The following RB1 variants were observed in gnomAD, a reference collection of about 807,000 sequenced individuals.
The protein encoded by RB1 is retinoblastoma-associated protein.
A neutral mutation model predicts 135.4 loss-of-function variants in RB1; 18 were observed. The observed-to-expected ratio is 0.13, with a 90% CI of 0.09 to 0.20. RB1 has a LOEUF of 0.20. RB1 is among the 10% of genes least tolerant of loss of function. RB1 has a pLI of 1.00. For synonymous variants in RB1, 365 were observed against 373.2 expected (o/e 0.98, Z 0.25); for missense variants, 868 against 1,110.0 (o/e 0.78, Z 3.10).
chr13:48,316,664 A>C (rs978280410), intron 2 of RB1, among the ~76,000 whole-genome samples: 1 of 151,152 alleles, frequency 6.6e-6, no homozygotes, highest in South Asian at 2.1e-4. Context: ...GTGTACGTCT[A>C]TACAGGGCTA....
chr13:48,403,520 G>A (rs1948712377), intron 17 of RB1, among the ~76,000 whole-genome samples: 1 of 152,140 alleles, frequency 6.6e-6, no homozygotes, highest in Admixed American at 6.5e-5. Flanking sequence ...CAGGAAAGGG[G>A]ACTGGTGGAA....
intron 14 of RB1, 111 bp from the exon 15 acceptor site, chr13:48,379,942 G>A (rs1948517310): frequency 2.6e-6 from 2 of 767,218 alleles, no homozygotes; most frequent in Non-Finnish European, 3.6e-6. Flanking sequence ...CCTGGCAACA[G>A]AGCAAGACAC....
rs759311626 is a variant in RB1 at position 48,362,879 on chromosome 13, A to G, written c.783A>G (p.Ala261=). The change falls in exon 8 of 27, where the codon GCA becomes GCG. Residue 261 remains alanine, a synonymous_variant. Transcript: ENST00000267163. The part of the protein sequence containing the change: ...RTPRRGQNRS[A]RIAKQLENDT... ...CCAGGCGAGGTCAGAACAGGAGTGC[A>G]CGGATAGCAAAACAACTAGAAAATG... is the stretch of plus-strand genomic sequence containing the variant. 1.9e-6 allele frequency: 3 copies of G among 1,613,814 alleles called. No individual in the cohort carries two copies. The highest frequency in any genetic ancestry group is 2.2e-5 in the South Asian group (2 of 91,088).
chr13:48,415,509 C>T lies in RB1; in HGVS notation c.1695+34066C>T, dbSNP rs8000807. On this transcript the variant is annotated intron_variant, in intron 17 of 26. Transcript: ENST00000267163. ...GGCCAGGCTGGTCTTGAACTCCTGA[C>T]CTCAAGTCATCCACCCACTTCAGCC... Among the ~76,000 whole-genome samples, 961 of 152,164 alleles carry T rather than the reference C, an allele frequency of 6.3e-3. 12 individuals are homozygous for T. The highest frequency in any genetic ancestry group is 0.022 in the African/African-American group (910 of 41,516).
chr13:48,465,239 G>C lies in RB1; in HGVS notation c.2360G>C (p.Arg787Pro), dbSNP rs748094394. The C allele has an allele frequency of 3.7e-6, 6 of 1,613,646 alleles. No individual in the cohort carries two copies. Among genetic ancestry groups the C allele is most frequent in the Non-Finnish European group, 5.1e-6 (6 of 1,179,866 alleles). Residue 787 changes from arginine to proline, a missense_variant, in exon 23 of 27, where the codon CGA (arginine) becomes CCA (proline). This residue lies in a region of RB1 where 196 missense variants were observed against 239.8 expected (regional missense o/e 0.82). Transcript: ENST00000267163. ...PTLSPIPHIP[R>P]SPYKFPSSPL... ...TTGTCACCAATACCTCACATTCCTCGAAGCCCTTACAAGTTTCCTAGTTCA... is the reference window on the plus strand; with the variant it reads ...TTGTCACCAATACCTCACATTCCTCCAAGCCCTTACAAGTTTCCTAGTTCA...
intron 2 of RB1, among the ~76,000 whole-genome samples, chr13:48,326,076 C>T (rs1478926908): frequency 6.6e-6 from 1 of 152,082 alleles, no homozygotes; most frequent in East Asian, 1.9e-4. Context: ...TATGGTTTAC[C>T]TATTTATACT....
intron 6 of RB1, among the ~76,000 whole-genome samples, chr13:48,358,819 A>C (rs963467527): frequency 6.6e-6 from 1 of 152,164 alleles, no homozygotes; most frequent in Non-Finnish European, 1.5e-5. Flanking sequence ...AATACCTAAT[A>C]AAATGAAAGC....
At chr13:48,351,634 G>A (rs1952548683) in intron 6 of RB1, among the ~76,000 whole-genome samples, 1 of 151,248 alleles carries the variant, frequency 6.6e-6, no homozygotes, top group South Asian at 2.1e-4. Context: ...ATTGCTTTTG[G>A]TGTCTTTATC....
rs1060503086 is a variant in RB1 at position 48,364,930 on chromosome 13, A to T, written c.898A>T (p.Met300Leu). ...TTATTTCAAAAATTTTATACCTTTT[A>T]TGAATTCTCTTGGACTTGTAACATC... Reference protein sequence around the residue: ...NVYFKNFIPFMNSLGLVTSNG... With the variant: ...NVYFKNFIPFLNSLGLVTSNG... Residue 300 changes from methionine to leucine, a missense_variant, in exon 9 of 27, where the codon ATG becomes TTG. Physicochemically the swap from Met to Leu is conservative, Grantham distance 15. This residue lies in a region of RB1 where 641 missense variants were observed against 791.3 expected (regional missense o/e 0.81). Coordinates refer to ENST00000267163, the MANE Select transcript of RB1 (RefSeq NM_000321.3). 2 of 1,569,244 alleles carry T rather than the reference A, an allele frequency of 1.3e-6. No homozygotes were observed. Among genetic ancestry groups the T allele is most frequent in the Admixed American group, 1.8e-5 (1 of 56,778 alleles).
At chr13:48,324,314 C>T (rs1454668344) in intron 2 of RB1, among the ~76,000 whole-genome samples, 2 of 152,040 alleles carry the variant, frequency 1.3e-5, no homozygotes, top group Non-Finnish European at 2.9e-5. Context: ...AGATCTTGTT[C>T]CTTCTATCTA....
chr13:48,368,585 C>T lies in RB1; in HGVS notation c.1108C>T (p.Pro370Ser), dbSNP rs1168863456. 6.2e-7 allele frequency: 1 copy of T among 1,613,364 alleles called. No homozygotes were observed. Among genetic ancestry groups the T allele is most frequent in the Non-Finnish European group, 8.5e-7 (1 of 1,179,698 alleles). The change falls in exon 11 of 27, where the codon CCT becomes TCT. Residue 370 changes from proline (P) to serine (S), a missense_variant. Physicochemically the swap from Pro to Ser is moderately conservative, Grantham distance 74 (BLOSUM62 -1). Around this residue, in one of 3 missense-constraint regions of RB1, gnomAD observed 641 missense variants for 791.3 expected, o/e 0.81. Transcript: ENST00000267163. ...SNLDEEVNVIPPHTPVRTVMN... is the reference protein window; with the variant it reads ...SNLDEEVNVISPHTPVRTVMN... Reference sequence around the variant, plus strand: ...CCTTGATGAAGAGGTGAATGTAATTCCTCCACACACTCCAGTTAGGTATGA... The same window carrying T: ...CCTTGATGAAGAGGTGAATGTAATTTCTCCACACACTCCAGTTAGGTATGA...
rs1952456285 is a variant in RB1, at chr13:48,342,665, G to A, written c.331G>A (p.Asp111Asn). The A allele has an allele frequency of 1.2e-6, 2 of 1,612,810 alleles. No individual in the cohort carries two copies. The highest frequency in any genetic ancestry group is 1.7e-6 in the Non-Finnish European group (2 of 1,179,052). Residue 111 changes from aspartate (D) to asparagine (N), a missense_variant, in exon 3 of 27, where the codon GAT (aspartate) becomes AAT (asparagine). Physicochemically the swap from Asp to Asn is conservative, Grantham distance 23. Around this residue, in one of 3 missense-constraint regions of RB1, gnomAD observed 641 missense variants for 791.3 expected, o/e 0.81. Coordinates refer to ENST00000267163, the MANE Select transcript of RB1 (RefSeq NM_000321.3). Reference sequence around the variant, plus strand: ...TATCTTTATTGCAGCAGTTGACCTAGATGAGATGTCGTTCACTTTTACTGA... The same window carrying A: ...TATCTTTATTGCAGCAGTTGACCTAAATGAGATGTCGTTCACTTTTACTGA... Reference protein sequence around the residue: ...ICIFIAAVDLDEMSFTFTELQ... With the variant: ...ICIFIAAVDLNEMSFTFTELQ...
At chr13:48,318,119 G>T in intron 2 of RB1, 1 of 520,382 alleles carries the variant, frequency 1.9e-6, no homozygotes, top group Non-Finnish European at 3.5e-6. Flanking sequence ...GGAAGGCCGG[G>T]GCCGTGTCCT....
At chr13:48,324,728 G>A (rs948726867) in intron 2 of RB1, among the ~76,000 whole-genome samples, 2 of 152,096 alleles carry the variant, frequency 1.3e-5, no homozygotes, top group Non-Finnish European at 2.9e-5. Context: ...TATATACCCA[G>A]TGGTGGGATT....
chr13:48,320,398 C>A, intron 2 of RB1: 1 of 1,158,558 alleles, frequency 8.6e-7, no homozygotes. Context: ...CCCGGGGAAC[C>A]TAAAGCTCCC....
chr13:48,340,800 A>C (rs1952436594), intron 2 of RB1: 1 of 157,254 alleles, frequency 6.4e-6, no homozygotes. Flanking sequence ...ACAGAAGTTG[A>C]TTTTTGTTCA....
intron 2 of RB1, among the ~76,000 whole-genome samples, chr13:48,311,959 C>CTT (rs1952134721): frequency 6.6e-6 from 1 of 152,206 alleles, no homozygotes; most frequent in South Asian, 2.1e-4. Context: ...CCTCGGCCTC[C>CTT]CAAAGTGCTG....
intron 17 of RB1, among the ~76,000 whole-genome samples, chr13:48,434,334 C>T (rs978566153): frequency 1.3e-5 from 2 of 151,864 alleles, no homozygotes; most frequent in African/African-American, 4.8e-5. Context: ...TTTTTGGATT[C>T]AGTCTTGATA....
chr13:48,476,429 C>T, intron 24 of RB1: 3 of 402,374 alleles, frequency 7.5e-6, no homozygotes, highest in South Asian at 4.8e-5. Flanking sequence ...CCAGGACTTG[C>T]AGAGTAGGCA....
Sources: gnomAD v4.1 joint callset for allele counts (sites outside exome capture counted in the v4.1 genomes callset) on GRCh38, gnomAD v4.1.1 for gene constraint, gnomAD v4.1.1 regional missense constraint, MANE v1.5 for transcripts, NCBI Gene and HGNC (gene_info 2026-07-23, HGNC 2026-07-21) for gene names.